The following CNTNAP2 variants were observed in gnomAD, a reference collection of about 807,000 sequenced individuals.
The protein encoded by CNTNAP2 is contactin associated protein 2, also known as contactin-associated protein-like 2.
Under a neutral mutation model 155.2 loss-of-function variants are expected in CNTNAP2, and 98 were observed. That is an observed-to-expected ratio of 0.63 (90% CI 0.54 to 0.75). CNTNAP2 has a LOEUF of 0.75. Among genes scored for constraint, CNTNAP2 ranks in the 30% least tolerant of loss-of-function variants. The pLI is 0.00. For synonymous variants in CNTNAP2, 651 were observed against 631.2 expected, an observed-to-expected ratio of 1.03 and a Z score of -0.47; for missense variants, 1,727 against 1,688.1, an observed-to-expected ratio of 1.02 and a Z score of -0.40.
intron 2 of CNTNAP2, among the ~76,000 whole-genome samples, chr7:146,779,211 C>A (rs1204430034): frequency 6.6e-6 from 1 of 152,140 alleles, no homozygotes; most frequent in Non-Finnish European, 1.5e-5. Context: ...GGTCACCTCC[C>A]CCTGTCTGAG....
At chr7:148,353,439 G>T (rs1452241160) in intron 21 of CNTNAP2, among the ~76,000 whole-genome samples, 1 of 152,172 alleles carries the variant, frequency 6.6e-6, no homozygotes, top group Non-Finnish European at 1.5e-5. Context: ...TTTTGTCTCT[G>T]CAGGGATCTT....
chr7:147,192,268 C>T (rs1802695078), intron 8 of CNTNAP2, among the ~76,000 whole-genome samples: 1 of 152,156 alleles, frequency 6.6e-6, no homozygotes, highest in South Asian at 2.1e-4. Flanking sequence ...AGTCAGCTGC[C>T]TTTCCCTGGT....
At chr7:147,390,915 G>A (rs1796704025) in intron 9 of CNTNAP2, among the ~76,000 whole-genome samples, 1 of 151,700 alleles carries the variant, frequency 6.6e-6, no homozygotes, top group South Asian at 2.1e-4. Context: ...TTCCACACAC[G>A]AAGTACACCC....
chr7:147,453,622 T>C (rs1437274032), intron 10 of CNTNAP2, among the ~76,000 whole-genome samples: 1 of 152,214 alleles, frequency 6.6e-6, no homozygotes. Flanking sequence ...TTTAAGTGAC[T>C]TGTACAGTAA....
rs367794302 is a variant in CNTNAP2 at position 146,667,964 on chromosome 7, A to G, written c.98-106307A>G. On this transcript the variant is annotated intron_variant, in intron 1 of 23. Transcript: ENST00000361727. Reference sequence around the variant, plus strand: ...TTCATTTGAATGTGGATGCCCTTTAATTTTCATTTCCCAATTGCTCTGGCT... The same window carrying G: ...TTCATTTGAATGTGGATGCCCTTTAGTTTTCATTTCCCAATTGCTCTGGCT... Among the ~76,000 whole-genome samples, 12 of 152,024 alleles carry G rather than the reference A, an allele frequency of 7.9e-5. No individual in the cohort carries two copies. In the South Asian group the frequency reaches 2.5e-3, roughly 32 times the overall value.
chr7:146,158,576 A>G (rs34106949), intron 1 of CNTNAP2, among the ~76,000 whole-genome samples: 1 of 152,158 alleles, frequency 6.6e-6, no homozygotes, highest in Non-Finnish European at 1.5e-5. Flanking sequence ...AAACCACGGC[A>G]TGAGAACTAT....
chr7:147,526,437 A>C (rs1195835870), intron 11 of CNTNAP2, among the ~76,000 whole-genome samples: 3 of 152,200 alleles, frequency 2.0e-5, no homozygotes, highest in Non-Finnish European at 4.4e-5. Context: ...TCTGGAATAT[A>C]GATATCAAGC....
At chr7:147,281,335 G>A (rs922590261) in intron 8 of CNTNAP2, among the ~76,000 whole-genome samples, 1 of 151,720 alleles carries the variant, frequency 6.6e-6, no homozygotes, top group African/African-American at 2.4e-5. Flanking sequence ...AAATGGATTA[G>A]CCAAAAGCTT....
intron 3 of CNTNAP2, among the ~76,000 whole-genome samples, chr7:146,880,348 C>T (rs541329143): frequency 3.8e-4 from 58 of 151,928 alleles, no homozygotes; most frequent in African/African-American, 1.2e-3. Flanking sequence ...CGAAGAACAC[C>T]AAGAAGGTAG....
chr7:146,161,374 TA>T (rs1798219433), intron 1 of CNTNAP2, among the ~76,000 whole-genome samples: 1 of 152,098 alleles, frequency 6.6e-6, no homozygotes, highest in South Asian at 2.1e-4. Flanking sequence ...GAGAAAGAAA[TA>T]AAGGGTATTC....
At chr7:147,524,915 C>G (rs1274564837) in intron 11 of CNTNAP2, among the ~76,000 whole-genome samples, 1 of 152,152 alleles carries the variant, frequency 6.6e-6, no homozygotes, top group African/African-American at 2.4e-5. Context: ...TGAATAATTT[C>G]CACCATTAAA....
intron 3 of CNTNAP2, among the ~76,000 whole-genome samples, chr7:147,004,351 C>T (rs1039990972): frequency 6.6e-6 from 1 of 151,220 alleles, no homozygotes; most frequent in African/African-American, 2.4e-5. Flanking sequence ...TCAGAATATA[C>T]AAAGTTCTAA....
intron 14 of CNTNAP2, among the ~76,000 whole-genome samples, chr7:147,927,207 T>C (rs566153415): frequency 1.4e-3 from 215 of 152,302 alleles, no homozygotes; most frequent in Admixed American, 5.4e-3. Flanking sequence ...AGAAAAAAGA[T>C]GAAAAATGTT....
chr7:147,716,393 G>T (rs535413773), intron 13 of CNTNAP2, among the ~76,000 whole-genome samples: 1 of 152,190 alleles, frequency 6.6e-6, no homozygotes, highest in Admixed American at 6.6e-5. Context: ...TAGGTGAGCT[G>T]GTGGTGAGGC....
At chr7:148,352,014 A>T (rs4615481) in intron 21 of CNTNAP2, among the ~76,000 whole-genome samples, 95,097 of 151,604 alleles carry the variant, frequency 0.63, 30,308 homozygotes, top group East Asian at 0.95. Flanking sequence ...CCTCTTCCCT[A>T]TGTAGAGGCA....
chr7:146,144,552 G>A (rs146367041), intron 1 of CNTNAP2, among the ~76,000 whole-genome samples: 1 of 152,308 alleles, frequency 6.6e-6, no homozygotes, highest in East Asian at 1.9e-4. Context: ...TTTTGAGTTA[G>A]TGGATGAGTG....
chr7:146,196,159 A>G (rs1239851069), intron 1 of CNTNAP2, among the ~76,000 whole-genome samples: 1 of 152,232 alleles, frequency 6.6e-6, no homozygotes, highest in African/African-American at 2.4e-5. Flanking sequence ...CACAGTGAGT[A>G]ATGTGGTATA....
At chr7:147,295,376 C>A (rs1805418574) in intron 8 of CNTNAP2, among the ~76,000 whole-genome samples, 1 of 151,920 alleles carries the variant, frequency 6.6e-6, no homozygotes, top group African/African-American at 2.4e-5. Context: ...TGTTGTGGTT[C>A]TTGTTTATTT....
chr7:146,190,154 C>T (rs987025104), intron 1 of CNTNAP2, among the ~76,000 whole-genome samples: 1 of 152,192 alleles, frequency 6.6e-6, no homozygotes, highest in Non-Finnish European at 1.5e-5. Context: ...ATGCAAACCT[C>T]ATGCGTTCGT....
Sources: allele counts gnomAD v4.1 joint callset (sites outside exome capture counted in the v4.1 genomes callset), GRCh38; gene constraint gnomAD v4.1.1; transcripts MANE v1.5; gene names NCBI Gene and HGNC (gene_info 2026-07-23, HGNC 2026-07-21).